Variants in C10orf67 observed in about 807,000 individuals in gnomAD.
C10orf67 encodes the protein chromosome 10 open reading frame 67, also known as uncharacterized protein C10orf67, mitochondrial.
In C10orf67, 60 loss-of-function variants were observed where a neutral mutation model predicts 35.6. That is an observed-to-expected ratio of 1.68 (90% CI 1.37 to 2.09). The LOEUF (loss-of-function observed/expected upper bound fraction) is 2.09, where lower values mean the gene tolerates loss of function less well. Ranked by LOEUF, C10orf67 falls within the 30% of genes most tolerant of loss-of-function variation. The pLI, the probability that C10orf67 is intolerant of heterozygous loss-of-function variation, is 0.00. For synonymous variants in C10orf67, 167 were observed against 115.8 expected (o/e 1.44, Z -2.84); for missense variants, 474 against 330.2 (o/e 1.44, Z -3.38).
At chr10:23,204,708 T>C (rs1841112379) in intron 15 of C10orf67, among the ~76,000 whole-genome samples, 1 of 152,164 alleles carries the variant, frequency 6.6e-6, no homozygotes, top group Non-Finnish European at 1.5e-5. Context: ...AATAGAAAAT[T>C]ATGAATGAGA....
At chr10:23,261,647 T>C (rs1842753430) in intron 10 of C10orf67, among the ~76,000 whole-genome samples, 1 of 152,164 alleles carries the variant, frequency 6.6e-6, no homozygotes, top group African/African-American at 2.4e-5. Context: ...AAAATAAAAG[T>C]GTACCTTTAT....
At chr10:23,297,651 C>A (rs962560653) in intron 5 of C10orf67, among the ~76,000 whole-genome samples, 1 of 152,186 alleles carries the variant, frequency 6.6e-6, no homozygotes, top group African/African-American at 2.4e-5. Context: ...GTCAAGGGAA[C>A]CTCTAAAAGG....
rs977765255 is a variant in C10orf67 at position 23,204,050 on chromosome 10, G to A, written c.*123C>T. ...CTGGTTAATATACATAATCTGGAGA[G>A]ATTAAACAATTAGTTTAGAAAATCC... On this transcript the variant is annotated 3_prime_UTR_variant, in exon 16 of 16. Transcript: ENST00000636213. 20 of 429,466 alleles carry A rather than the reference G, an allele frequency of 4.7e-5. No homozygotes were observed. Among genetic ancestry groups the A allele is most frequent in the African/African-American group, 3.9e-4 (19 of 48,866 alleles). The allele number at this position is 429,466 out of a possible 1,614,324, so 26.6% of individuals were successfully genotyped here.
At chr10:23,291,614 G>A (rs1843721496) in intron 5 of C10orf67, among the ~76,000 whole-genome samples, 1 of 152,206 alleles carries the variant, frequency 6.6e-6, no homozygotes, top group African/African-American at 2.4e-5. Flanking sequence ...CCCTCTGTGT[G>A]TGTCTGAAGT....
intron 10 of C10orf67, among the ~76,000 whole-genome samples, chr10:23,256,662 G>A (rs1277326563): frequency 6.6e-6 from 1 of 151,974 alleles, no homozygotes. Flanking sequence ...GTTAAAAGTG[G>A]AGCTTGCACT....
chr10:23,316,446 C>T (rs895497143), intron 4 of C10orf67, among the ~76,000 whole-genome samples: 12 of 152,234 alleles, frequency 7.9e-5, no homozygotes, highest in African/African-American at 2.4e-4. Flanking sequence ...CTCTTCTCTC[C>T]GTCTTGTTGC....
intron 15 of C10orf67, 113 bp downstream of exon 15, chr10:23,223,483 GTC>G (rs1564459678): frequency 1.5e-6 from 1 of 670,738 alleles, no homozygotes; most frequent in Non-Finnish European, 2.7e-6. Flanking sequence ...GCTGAAAAAA[GTC>G]ATGCATTCAC....
At chr10:23,287,550 A>G (rs950385330) in intron 7 of C10orf67, among the ~76,000 whole-genome samples, 1 of 152,246 alleles carries the variant, frequency 6.6e-6, no homozygotes, top group Admixed American at 6.5e-5. Context: ...AATACCATTC[A>G]GGACATAGGT....
intron 8 of C10orf67, among the ~76,000 whole-genome samples, chr10:23,268,170 C>CT (rs1375053951): frequency 6.6e-6 from 1 of 151,954 alleles, no homozygotes; most frequent in Non-Finnish European, 1.5e-5. Context: ...TGGTGTGTAC[C>CT]TATAGTCCCA....
intron 10 of C10orf67, among the ~76,000 whole-genome samples, chr10:23,257,133 A>G (rs1411794135): frequency 6.6e-6 from 1 of 152,224 alleles, no homozygotes; most frequent in Non-Finnish European, 1.5e-5. Flanking sequence ...CTCTATGCCA[A>G]TACCAAGTGG....
intron 1 of C10orf67, among the ~76,000 whole-genome samples, chr10:23,341,392 G>A (rs947650061): frequency 6.6e-6 from 1 of 152,098 alleles, no homozygotes; most frequent in Non-Finnish European, 1.5e-5. Context: ...CATTCTACCT[G>A]TTCATCACAG....
chr10:23,274,446 T>C (rs1398020476), intron 8 of C10orf67, among the ~76,000 whole-genome samples: 1 of 152,148 alleles, frequency 6.6e-6, no homozygotes, highest in Non-Finnish European at 1.5e-5. Flanking sequence ...CCCCTGGGAA[T>C]GCATTCCTTT....
chr10:23,224,304 T>C (rs1319330073), intron 13 of C10orf67, among the ~76,000 whole-genome samples: 3 of 152,158 alleles, frequency 2.0e-5, no homozygotes, highest in Non-Finnish European at 4.4e-5. Flanking sequence ...CCAACAGACC[T>C]GCAGCTGAGG....
intron 4 of C10orf67, among the ~76,000 whole-genome samples, chr10:23,307,635 G>A (rs1405270664): frequency 7.0e-6 from 1 of 142,054 alleles, no homozygotes; most frequent in Non-Finnish European, 1.5e-5. Flanking sequence ...TTAAGACAGG[G>A]TCTCACTCTC....
rs1408606711 is a variant in C10orf67, at chr10:23,322,445, G to A, written c.420C>T (p.Leu140=). The change falls in exon 3 of 16, where the codon CTC becomes CTT. Residue 140 remains leucine (L), a synonymous_variant. Transcript: ENST00000636213. ...GGATCCTGTCATGCAGAATGGTGAA[G>A]AGACTCAAAGATTCCTCTTTCAGTC... is the stretch of plus-strand genomic sequence containing the variant. The part of the protein sequence containing the change: ...EDRLKEESLS[L]FTILHDRILE... 1 of 1,609,736 alleles carries A rather than the reference G, an allele frequency of 6.2e-7. No individual in the cohort carries two copies. The highest frequency in any genetic ancestry group is 8.5e-7 in the Non-Finnish European group (1 of 1,176,266).
chr10:23,297,851 G>A (rs1843940294), intron 5 of C10orf67, among the ~76,000 whole-genome samples: 1 of 152,234 alleles, frequency 6.6e-6, no homozygotes, highest in South Asian at 2.1e-4. Flanking sequence ...TCCTTTAGCA[G>A]TGAGTAAGCC....
chr10:23,230,304 T>C (rs939402633), intron 13 of C10orf67, among the ~76,000 whole-genome samples: 1 of 152,084 alleles, frequency 6.6e-6, no homozygotes, highest in African/African-American at 2.4e-5. Flanking sequence ...TACACTAATA[T>C]CAATTCTAAA....
chr10:23,235,012 C>CAAAAAAAAAAAAAAAAAAAAAAATAAAA (rs57049730), intron 13 of C10orf67, among the ~76,000 whole-genome samples: 3 of 76,046 alleles, frequency 3.9e-5, no homozygotes, highest in Non-Finnish European at 5.2e-5. Context: ...AATTCCATCT[C>CAAAAAAAAAAAAAAAAAAAAAAATAAAA]AAAAAAAAAA....
intron 5 of C10orf67, among the ~76,000 whole-genome samples, chr10:23,297,514 A>G (rs1251863441): frequency 2.0e-5 from 3 of 152,178 alleles, no homozygotes; most frequent in African/African-American, 7.2e-5. Context: ...CCAGCTGAGC[A>G]CTAGTTCCTG....
Sources: allele counts gnomAD v4.1 joint callset (sites outside exome capture counted in the v4.1 genomes callset), GRCh38; gene constraint gnomAD v4.1.1; transcripts MANE v1.5; gene names NCBI Gene and HGNC (gene_info 2026-07-23, HGNC 2026-07-21).